SERGEF: variants seen among roughly 807,000 people sequenced by gnomAD.
SERGEF encodes secretion-regulating guanine nucleotide exchange factor.
In SERGEF, 51 loss-of-function variants were observed where a neutral mutation model predicts 50.0. That is an observed-to-expected ratio of 1.02 (90% CI 0.81 to 1.29). The LOEUF (loss-of-function observed/expected upper bound fraction) is 1.29, where lower values mean the gene tolerates loss of function less well. SERGEF is among the 50% of genes most tolerant of loss of function. The pLI is 0.00. For missense variants in SERGEF, 521 were observed against 557.0 expected (o/e 0.94, Z 0.65); for synonymous variants, 205 against 212.4 (o/e 0.97, Z 0.30).
chr11:17,988,777 C>A, intron 7 of SERGEF, 22 bp from the exon 8 acceptor site: 1 of 1,608,194 alleles, frequency 6.2e-7, no homozygotes, highest in Non-Finnish European at 8.5e-7. Context: ...AGAAGGGTAA[C>A]AAAAGAGGTG....
At position 18,007,953 on chromosome 11, in the gene SERGEF, C is replaced by G; in HGVS notation, c.184G>C (p.Ala62Pro). 6.2e-7 allele frequency: 1 copy of G among 1,613,116 alleles called. No individual in the cohort carries two copies. The highest frequency in any genetic ancestry group is 8.5e-7 in the Non-Finnish European group (1 of 1,179,518). Residue 62 changes from alanine (A) to proline (P), a missense_variant, in exon 2 of 11, where the codon GCA (alanine) becomes CCA (proline). Coordinates refer to ENST00000265965, the MANE Select transcript of SERGEF (RefSeq NM_012139.4). ...TGAAGGAAATTACCTGTGACAACTGCAGAGTGGCCCCCTCCTCCTGTGATC... is the reference window on the plus strand; with the variant it reads ...TGAAGGAAATTACCTGTGACAACTGGAGAGTGGCCCCCTCCTCCTGTGATC... ...RRITGGGGHSAVVTDGGDLFV... is the reference protein window; with the variant it reads ...RRITGGGGHSPVVTDGGDLFV...
rs367986338 is a variant in SERGEF at position 17,878,026 on chromosome 11, G to A, written c.1048+182C>T. The A allele has an allele frequency of 1.3e-3, 722 of 560,434 alleles. 11 individuals carry two copies. The South Asian group carries it at 0.017, about 13-fold the overall frequency. 34.7% of individuals were successfully genotyped at this position (560,434 alleles called of 1,614,324 possible). Reference sequence around the variant, plus strand: ...AAAAAGATGCTCAATGATATGAATCGAAATATTCAGAAAAGGAGCTTCTAG... The same window carrying A: ...AAAAAGATGCTCAATGATATGAATCAAAATATTCAGAAAAGGAGCTTCTAG... On this transcript the variant is annotated intron_variant, in intron 10 of 10. Coordinates refer to ENST00000265965, the MANE Select transcript of SERGEF (RefSeq NM_012139.4).
At chr11:17,840,567 T>G (rs1417695413) in intron 10 of SERGEF, among the ~76,000 whole-genome samples, 1 of 152,052 alleles carries the variant, frequency 6.6e-6, no homozygotes, top group Admixed American at 6.6e-5. Flanking sequence ...ATAGCAGTGG[T>G]AAGGTGGGGT....
chr11:17,789,959 C>T (rs564116132), intron 10 of SERGEF, among the ~76,000 whole-genome samples: 6 of 152,170 alleles, frequency 3.9e-5, no homozygotes, highest in South Asian at 2.1e-4. Flanking sequence ...CACTCCACCC[C>T]GGGTGACAGA....
chr11:17,948,827 T>C (rs2133962306), intron 9 of SERGEF, among the ~76,000 whole-genome samples: 1 of 152,358 alleles, frequency 6.6e-6, no homozygotes, highest in African/African-American at 2.4e-5. Flanking sequence ...TTGTAGCAGT[T>C]GCTCCTTTTG....
intron 1 of SERGEF, among the ~76,000 whole-genome samples, chr11:18,009,440 TG>T (rs1231790627): frequency 6.6e-6 from 1 of 151,932 alleles, no homozygotes; most frequent in Non-Finnish European, 1.5e-5. Flanking sequence ...AAGAAAAAAA[TG>T]AGAGAGAAAT....
intron 10 of SERGEF, among the ~76,000 whole-genome samples, chr11:17,819,534 G>C (rs1024578601): frequency 6.6e-6 from 1 of 152,222 alleles, no homozygotes; most frequent in African/African-American, 2.4e-5. Context: ...AGGTCACACG[G>C]TGAATGAGAG....
At chr11:17,970,431 T>TA (rs1400371621) in intron 8 of SERGEF, among the ~76,000 whole-genome samples, 2 of 152,140 alleles carry the variant, frequency 1.3e-5, no homozygotes, top group Admixed American at 1.3e-4. Context: ...CAGGCCTCCC[T>TA]ATTTCCGGAG....
intron 9 of SERGEF, among the ~76,000 whole-genome samples, chr11:17,895,173 C>A (rs1851597325): frequency 6.6e-6 from 1 of 152,102 alleles, no homozygotes. Flanking sequence ...ATCAAGAGGC[C>A]CTCTGGTACC....
chr11:18,002,053 A>G, intron 4 of SERGEF: 3 of 456,180 alleles, frequency 6.6e-6, no homozygotes, highest in South Asian at 4.6e-5. Flanking sequence ...TCTGGAAACT[A>G]TACTTCTGTC....
intron 8 of SERGEF, among the ~76,000 whole-genome samples, chr11:17,985,227 C>A (rs761394128): frequency 6.6e-6 from 1 of 152,154 alleles, no homozygotes; most frequent in Admixed American, 6.5e-5. Flanking sequence ...TACTTACATA[C>A]CCCAGGCAGC....
intron 9 of SERGEF, among the ~76,000 whole-genome samples, chr11:17,882,213 C>G (rs1328829982): frequency 3.9e-5 from 6 of 152,004 alleles, no homozygotes; most frequent in African/African-American, 1.2e-4. Context: ...GCCAGGAGTT[C>G]GAGACCAGCC....
At chr11:17,999,146 A>G (rs1172352667) in intron 5 of SERGEF, among the ~76,000 whole-genome samples, 1 of 152,212 alleles carries the variant, frequency 6.6e-6, no homozygotes, top group African/African-American at 2.4e-5. Flanking sequence ...AAATGACAAC[A>G]TCATAGAGAT....
At chr11:17,891,995 T>G (rs1851539372) in intron 9 of SERGEF, among the ~76,000 whole-genome samples, 1 of 152,172 alleles carries the variant, frequency 6.6e-6, no homozygotes, top group African/African-American at 2.4e-5. Flanking sequence ...TATAGATAAA[T>G]TCTGGAGTAG....
At chr11:17,881,665 C>T (rs1280666022) in intron 9 of SERGEF, among the ~76,000 whole-genome samples, 1 of 152,214 alleles carries the variant, frequency 6.6e-6, no homozygotes, top group Non-Finnish European at 1.5e-5. Context: ...CTCTTTCTGG[C>T]TCTGAGACCT....
At chr11:17,925,243 CATCT>C in intron 9 of SERGEF, among the ~76,000 whole-genome samples, 1 of 133,002 alleles carries the variant, frequency 7.5e-6, no homozygotes, top group East Asian at 2.2e-4. Context: ...CCCAGAAGTC[CATCT>C]GTCTGTCACA....
At chr11:17,818,180 G>A (rs953314309) in intron 10 of SERGEF, among the ~76,000 whole-genome samples, 5 of 152,148 alleles carry the variant, frequency 3.3e-5, no homozygotes, top group African/African-American at 7.2e-5. Context: ...TCAGGATTGA[G>A]TGAGACACGG....
rs371469105 is a variant in SERGEF, at chr11:17,988,605, G to A, written c.836C>T (p.Ala279Val). 11 of 1,613,770 alleles carry A rather than the reference G, an allele frequency of 6.8e-6. No homozygotes were observed. In the African/African-American group the frequency reaches 1.3e-4, roughly 20 times the overall value. ...CTCTGCTACTGTCTCACCTGTCTGAGCAACCAGGTGTGTCCATCCACTCCA... is the reference window on the plus strand; with the variant it reads ...CTCTGCTACTGTCTCACCTGTCTGAACAACCAGGTGTGTCCATCCACTCCA... ...AIWSGWTHLV[A>V]QTETGKMFTW... The change falls in exon 8 of 11, where the codon GCT becomes GTT. Residue 279 changes from alanine (A) to valine (V), a missense_variant. Ala to Val is a moderately conservative substitution (Grantham distance 64). Coordinates refer to ENST00000265965, the MANE Select transcript of SERGEF (RefSeq NM_012139.4).
intron 9 of SERGEF, among the ~76,000 whole-genome samples, chr11:17,914,890 G>A (rs184847170): frequency 3.7e-4 from 56 of 152,172 alleles, no homozygotes; most frequent in Middle Eastern, 3.4e-3. Context: ...ATTCTGATGC[G>A]GAAACAGATA....
Sources: gnomAD v4.1 joint callset for allele counts (sites outside exome capture counted in the v4.1 genomes callset) on GRCh38, gnomAD v4.1.1 for gene constraint, MANE v1.5 for transcripts, NCBI Gene and HGNC (gene_info 2026-07-23, HGNC 2026-07-21) for gene names.